Variants in GRAMD1C observed in about 807,000 individuals in gnomAD.
GRAMD1C encodes the protein GRAM domain containing 1C, also known as protein Aster-C.
In GRAMD1C, 89 loss-of-function variants were observed where a neutral mutation model predicts 97.8. That is an observed-to-expected ratio of 0.91 (90% CI 0.77 to 1.09). The LOEUF is 1.09. Among genes scored for constraint, GRAMD1C ranks in the 50% least tolerant of loss-of-function variants. GRAMD1C has a pLI of 0.00. For synonymous variants in GRAMD1C, 256 were observed against 267.0 expected, an observed-to-expected ratio of 0.96 and a Z score of 0.40; for missense variants, 740 against 766.4, an observed-to-expected ratio of 0.97 and a Z score of 0.41.
chr3:113,908,367 C>CAT (rs762398601), intron 8 of GRAMD1C, among the ~76,000 whole-genome samples: 1 of 152,272 alleles, frequency 6.6e-6, no homozygotes, highest in South Asian at 2.1e-4. Flanking sequence ...TAGATAGCAT[C>CAT]ATATATTAAA....
chr3:113,850,858 G>T (rs1933869224), intron 2 of GRAMD1C: 2 of 358,008 alleles, frequency 5.6e-6, no homozygotes, highest in Non-Finnish European at 4.6e-6. Context: ...CAGGAGTGCA[G>T]TGGTGTGATC....
At chr3:113,864,086 C>A (rs1188976585) in intron 2 of GRAMD1C, among the ~76,000 whole-genome samples, 1 of 152,104 alleles carries the variant, frequency 6.6e-6, no homozygotes, top group Non-Finnish European at 1.5e-5. Flanking sequence ...AGCAGCCATG[C>A]AGCATGTTGA....
intron 2 of GRAMD1C, among the ~76,000 whole-genome samples, chr3:113,858,315 CT>C (rs1934230083): frequency 6.6e-6 from 1 of 151,718 alleles, no homozygotes; most frequent in Non-Finnish European, 1.5e-5. Context: ...TCACTGCAGC[CT>C]CCACCTCCCA....
intron 5 of GRAMD1C, among the ~76,000 whole-genome samples, chr3:113,877,087 T>C (rs1935076291): frequency 6.6e-6 from 1 of 152,174 alleles, no homozygotes; most frequent in South Asian, 2.1e-4. Context: ...GGTCATGCGA[T>C]CCTCCAACCT....
intron 3 of GRAMD1C, among the ~76,000 whole-genome samples, chr3:113,870,854 TAC>T (rs1934774661): frequency 6.6e-6 from 1 of 150,812 alleles, no homozygotes; most frequent in Non-Finnish European, 1.5e-5. Context: ...CAGTGGCTGA[TAC>T]CTGTAATCCC....
intron 6 of GRAMD1C, among the ~76,000 whole-genome samples, chr3:113,895,494 C>T (rs1935900969): frequency 6.6e-6 from 1 of 152,068 alleles, no homozygotes; most frequent in African/African-American, 2.4e-5. Context: ...TCTCCTTTAG[C>T]CTGCGCAACA....
chr3:113,905,404 G>C (rs982308154), intron 8 of GRAMD1C, among the ~76,000 whole-genome samples: 6 of 152,184 alleles, frequency 3.9e-5, no homozygotes, highest in Non-Finnish European at 8.8e-5. Context: ...AGTACTAGGA[G>C]TGCTCCTACT....
At chr3:113,913,222 T>C (rs1936671751) in intron 9 of GRAMD1C, 2 of 556,500 alleles carry the variant, frequency 3.6e-6, no homozygotes, top group Non-Finnish European at 6.1e-6. Context: ...TTTATAAGAA[T>C]GGTCCTTCCA....
chr3:113,904,399 G>C, intron 8 of GRAMD1C, 127 bp downstream of exon 8: 1 of 677,018 alleles, frequency 1.5e-6, no homozygotes, highest in Non-Finnish European at 2.4e-6. Flanking sequence ...CTTATTTTAG[G>C]AAAAAAGTTT....
intron 2 of GRAMD1C, among the ~76,000 whole-genome samples, chr3:113,861,810 G>C (rs1056189548): frequency 2.6e-5 from 4 of 152,150 alleles, no homozygotes; most frequent in Non-Finnish European, 1.5e-5. Context: ...TGGGGAACCT[G>C]CCCCCAGTAG....
intron 2 of GRAMD1C, chr3:113,850,582 A>T (rs1933852796): frequency 6.2e-7 from 1 of 1,606,808 alleles, no homozygotes; most frequent in Non-Finnish European, 8.5e-7. Context: ...GACTTGAGAG[A>T]CTGCATGGCC....
chr3:113,944,494 A>C (rs1014444710), intron 17 of GRAMD1C, among the ~76,000 whole-genome samples: 1 of 152,230 alleles, frequency 6.6e-6, no homozygotes, highest in Non-Finnish European at 1.5e-5. Flanking sequence ...TGGATGACTA[A>C]CAGGATTCCC....
chr3:113,930,576 C>T (rs1245742799), intron 10 of GRAMD1C, 138 bp from the exon 11 acceptor site: 4 of 526,634 alleles, frequency 7.6e-6, no homozygotes, highest in Non-Finnish European at 1.4e-5. Flanking sequence ...TAATGTTAAA[C>T]TTATAATACC....
chr3:113,895,565 G>C (rs1351639160), intron 6 of GRAMD1C, among the ~76,000 whole-genome samples: 2 of 152,118 alleles, frequency 1.3e-5, no homozygotes, highest in African/African-American at 2.4e-5. Context: ...TTTTCCAGTA[G>C]TGCTATCAAT....
At chr3:113,869,484 A>T in intron 2 of GRAMD1C, 23 bp from the exon 3 acceptor site, 1 of 1,123,996 alleles carries the variant, frequency 8.9e-7, no homozygotes, top group Non-Finnish European at 1.3e-6. Flanking sequence ...TTAGACAGAA[A>T]TGTAATCTTT....
At chr3:113,925,519 T>C (rs993501346) in intron 10 of GRAMD1C, among the ~76,000 whole-genome samples, 2 of 151,366 alleles carry the variant, frequency 1.3e-5, no homozygotes, top group Admixed American at 6.6e-5. Flanking sequence ...CAGCATACAG[T>C]TGGGTCTTAT....
At chr3:113,916,295 T>C (rs1936808261) in intron 10 of GRAMD1C, among the ~76,000 whole-genome samples, 1 of 152,182 alleles carries the variant, frequency 6.6e-6, no homozygotes, top group Admixed American at 6.5e-5. Context: ...CTGAATGACG[T>C]ACTACAGTGT....
At chr3:113,922,260 A>G (rs189034275) in intron 10 of GRAMD1C, among the ~76,000 whole-genome samples, 1 of 152,054 alleles carries the variant, frequency 6.6e-6, no homozygotes, top group Non-Finnish European at 1.5e-5. Context: ...TTTTGTAGAG[A>G]TGAGGTTTCA....
intron 17 of GRAMD1C, among the ~76,000 whole-genome samples, chr3:113,944,481 A>C (rs537145312): frequency 1.3e-5 from 2 of 152,250 alleles, no homozygotes; most frequent in East Asian, 3.9e-4. Flanking sequence ...TGGCATCTTC[A>C]CCTGGATGAC....
Sources: allele counts gnomAD v4.1 joint callset (sites outside exome capture counted in the v4.1 genomes callset), GRCh38; gene constraint gnomAD v4.1.1; transcripts MANE v1.5; gene names NCBI Gene and HGNC (gene_info 2026-07-23, HGNC 2026-07-21).